PKP1: variants seen among roughly 807,000 people sequenced by gnomAD.
PKP1 encodes the protein plakophilin-1.
In PKP1, 27 loss-of-function variants were observed where a neutral mutation model predicts 76.4. The ratio of observed to expected loss-of-function variants is 0.35; its 90% CI spans 0.26 to 0.49. PKP1 has a LOEUF of 0.49. PKP1 is among the 20% of genes least tolerant of loss of function. The pLI is 0.99. For synonymous variants in PKP1, 404 were observed against 384.2 expected (o/e 1.05, Z -0.60); for missense variants, 964 against 955.2 (o/e 1.01, Z -0.12).
intron 2 of PKP1, among the ~76,000 whole-genome samples, chr1:201,308,183 C>T (rs1360850983): frequency 1.3e-5 from 2 of 151,974 alleles, no homozygotes; most frequent in African/African-American, 4.8e-5. Context: ...ACAGCTGGAC[C>T]CCATGCCGTG....
rs1656624966 is a variant in PKP1 at position 201,313,365 on chromosome 1, A to G, written c.506A>G (p.Lys169Arg). The G allele has an allele frequency of 6.3e-7, 1 of 1,582,476 alleles. No homozygotes were observed. The highest frequency in any genetic ancestry group is 1.2e-5 in the South Asian group (1 of 86,738). Residue 169 changes from lysine to arginine, a missense_variant, in exon 3 of 14, where the codon AAG (lysine) becomes AGG (arginine). Transcript: ENST00000367324. Reference protein sequence around the residue: ...LYCDPRGTLRKGTLGSKGQKT... With the variant: ...LYCDPRGTLRRGTLGSKGQKT... ...TGTGACCCACGGGGCACCCTGCGCA[A>G]GGGCACGCTGGGCAGCAAGGGCCAG...
chr1:201,324,655 T>A lies in PKP1; in HGVS notation c.1834+74T>A, dbSNP rs527239774. ...CCTACAATTCAAGCCTGCTTGAAGG[T>A]CATCCTTTAAGCCATTCCCTGGGAT... On this transcript the variant is annotated intron_variant, in intron 10 of 13. Transcript: ENST00000367324. 6.0e-5 allele frequency: 93 copies of A among 1,542,194 alleles called. No individual in the cohort carries two copies. In the African/African-American group the frequency reaches 1.1e-3, roughly 19 times the overall value.
chr1:201,325,676 G>T (rs559481594), intron 11 of PKP1, 78 bp from the exon 12 acceptor site: 29 of 1,088,024 alleles, frequency 2.7e-5, no homozygotes, highest in Admixed American at 1.4e-4. Flanking sequence ...CCCTGGCAGT[G>T]GGGGTGGGAG....
chr1:201,321,835 G>A (rs1023279594), intron 7 of PKP1, 143 bp from the exon 8 acceptor site: 3 of 893,886 alleles, frequency 3.4e-6, no homozygotes, highest in Admixed American at 2.1e-5. Flanking sequence ...GACTTCCCAG[G>A]CTGATAGTGT....
At chr1:201,316,174 A>ATGGATGGACGGAC (rs1168957134) in intron 3 of PKP1, 2 of 28,368 alleles carry the variant, frequency 7.1e-5, no homozygotes, top group Admixed American at 6.5e-4. Context: ...ATGGATGGAT[A>ATGGATGGACGGAC]GGATCATGGC....
intron 2 of PKP1, among the ~76,000 whole-genome samples, chr1:201,309,600 G>C (rs908727810): frequency 2.0e-5 from 3 of 152,156 alleles, no homozygotes; most frequent in African/African-American, 7.2e-5. Flanking sequence ...CAAACAGCCA[G>C]ACGCTGCCAG....
Position 201,317,681 on chromosome 1 carries a change from C to A in PKP1, c.956C>A (p.Thr319Asn), listed in dbSNP as rs760407315. ...CTGCGCAACCTGGTGTTCAGGAGCA[C>A]CACCAACAAGCTGGAGACCCGGAGG... is the stretch of plus-strand genomic sequence containing the variant. ...GALRNLVFRS[T>N]TNKLETRRQN... Residue 319 changes from threonine to asparagine, a missense_variant, in exon 5 of 14, where the codon ACC (threonine) becomes AAC (asparagine). Transcript: ENST00000367324. 1 of 1,614,008 alleles carries A rather than the reference C, an allele frequency of 6.2e-7. No homozygotes were observed. Among genetic ancestry groups the A allele is most frequent in the South Asian group, 1.1e-5 (1 of 91,070 alleles).
chr1:201,330,108 C>T lies in PKP1; in HGVS notation c.*67C>T, dbSNP rs1334648972. 2 of 152,132 alleles carry T rather than the reference C, an allele frequency of 1.3e-5. No individual in the cohort carries two copies. The highest frequency in any genetic ancestry group is 1.9e-4 in the East Asian group (1 of 5,176). The allele number at this position is 152,132 out of a possible 1,614,324, so 9.4% of individuals were successfully genotyped here. ...ACCCAGCTGAGAAGCCCTCAGGCCT[C>T]GCTGGATGGGGTTTTCTGTCCATCC... On this transcript the variant is annotated 3_prime_UTR_variant, in exon 14 of 14. Transcript: ENST00000367324.
At chr1:201,308,372 G>C (rs1656430208) in intron 2 of PKP1, among the ~76,000 whole-genome samples, 1 of 152,196 alleles carries the variant, frequency 6.6e-6, no homozygotes, top group Non-Finnish European at 1.5e-5. Flanking sequence ...CTTTCACTGA[G>C]CTCTTGCTGT....
intron 1 of PKP1, among the ~76,000 whole-genome samples, chr1:201,293,092 G>A (rs2102154122): frequency 6.6e-6 from 1 of 152,296 alleles, no homozygotes; most frequent in East Asian, 1.9e-4. Flanking sequence ...AGGGAGATGT[G>A]AGTAAAGTGG....
chr1:201,323,485 A>G (rs968247465), intron 9 of PKP1, among the ~76,000 whole-genome samples: 1 of 152,122 alleles, frequency 6.6e-6, no homozygotes, highest in Non-Finnish European at 1.5e-5. Context: ...GCTCTGCTTG[A>G]GGTCGGGGAA....
chr1:201,313,118 C>A, intron 2 of PKP1, 48 bp from the exon 3 acceptor site: 1 of 1,589,738 alleles, frequency 6.3e-7, no homozygotes, highest in South Asian at 1.1e-5. Context: ...GGATCCAGGA[C>A]CCCCATTTAG....
At chr1:201,323,315 T>C in intron 9 of PKP1, 126 bp downstream of exon 9, 1 of 847,254 alleles carries the variant, frequency 1.2e-6, no homozygotes, top group Non-Finnish European at 1.9e-6. Flanking sequence ...AGAGTGTGCC[T>C]GGCATATGCT....
Position 201,293,900 on chromosome 1 carries a change from A to T in PKP1, c.203-42A>T, listed in dbSNP as rs760725879. 1.1e-5 allele frequency: 15 copies of T among 1,325,880 alleles called. No individual in the cohort carries two copies. The Admixed American group carries it at 2.5e-4, about 23-fold the overall frequency. 82.1% of individuals were successfully genotyped at this position (1,325,880 alleles called of 1,614,324 possible). A position where few individuals can be genotyped will look rare whatever the true frequency, so the allele number is the denominator to read the frequency against. ...CCCTGAGGAACAGGGGTGGATGAAGATCATGGCCATCCCTGTCCTAATCCC... is the reference window on the plus strand; with the variant it reads ...CCCTGAGGAACAGGGGTGGATGAAGTTCATGGCCATCCCTGTCCTAATCCC... On this transcript the variant is annotated intron_variant, in intron 1 of 13. Coordinates refer to ENST00000367324, the MANE Select transcript of PKP1 (RefSeq NM_001005337.3).
At chr1:201,325,496 G>T (rs977706110) in intron 11 of PKP1, among the ~76,000 whole-genome samples, 1 of 152,076 alleles carries the variant, frequency 6.6e-6, no homozygotes, top group African/African-American at 2.4e-5. Context: ...GGACTGGAGT[G>T]GAAGAGCACT....
chr1:201,309,450 G>C (rs577188016), intron 2 of PKP1, among the ~76,000 whole-genome samples: 2 of 152,284 alleles, frequency 1.3e-5, no homozygotes, highest in East Asian at 1.9e-4. Context: ...CTGGATTTCT[G>C]TCTGGCTGTC....
intron 8 of PKP1, 42 bp downstream of exon 8, chr1:201,322,175 A>AC (rs200543396): frequency 8.3e-5 from 132 of 1,594,052 alleles, no homozygotes; most frequent in East Asian, 5.4e-4. Context: ...CCCATCAAGC[A>AC]CCCCCCCAGG....
intron 1 of PKP1, among the ~76,000 whole-genome samples, chr1:201,291,389 C>T (rs927199492): frequency 1.3e-5 from 2 of 152,198 alleles, no homozygotes; most frequent in Non-Finnish European, 2.9e-5. Context: ...GGCATTCTGG[C>T]CTCTCCCTCC....
rs34769677 is a variant in PKP1 at position 201,313,438 on chromosome 1, G to A, written c.579G>A (p.Gln193=). ...GCTTTTACAGCACCTGCAGTGGTCAGAAGGCCATAAAGAAGTGCCCTGTGC... is the reference window on the plus strand; with the variant it reads ...GCTTTTACAGCACCTGCAGTGGTCAAAAGGCCATAAAGAAGTGCCCTGTGC... ...RYSFYSTCSG[Q]KAIKKCPVRP... Residue 193 remains glutamine (Q), a synonymous_variant, in exon 3 of 14, where the codon CAG becomes CAA. Coordinates refer to ENST00000367324, the MANE Select transcript of PKP1 (RefSeq NM_001005337.3). 1.9e-6 allele frequency: 3 copies of A among 1,603,640 alleles called. No individual in the cohort carries two copies. Among genetic ancestry groups the A allele is most frequent in the African/African-American group, 2.7e-5 (2 of 74,834 alleles).
Sources: allele counts gnomAD v4.1 joint callset (sites outside exome capture counted in the v4.1 genomes callset), GRCh38; gene constraint gnomAD v4.1.1; transcripts MANE v1.5; gene names NCBI Gene and HGNC (gene_info 2026-07-23, HGNC 2026-07-21).